SEMA3C: variants seen among roughly 807,000 people sequenced by gnomAD.
The protein encoded by SEMA3C is semaphorin-3C.
A neutral mutation model predicts 89.4 loss-of-function variants in SEMA3C; 47 were observed. The ratio of observed to expected loss-of-function variants is 0.53; its 90% CI spans 0.42 to 0.67. SEMA3C has a LOEUF of 0.67. Among genes scored for constraint, SEMA3C ranks in the 30% least tolerant of loss-of-function variants. SEMA3C has a pLI of 0.00. For synonymous variants in SEMA3C, 310 were observed against 320.2 expected (o/e 0.97, Z 0.34); for missense variants, 839 against 929.1 (o/e 0.90, Z 1.26).
chr7:80,870,652 G>A (rs536677938), intron 2 of SEMA3C, among the ~76,000 whole-genome samples: 25 of 152,172 alleles, frequency 1.6e-4, no homozygotes, highest in Non-Finnish European at 2.4e-4. Context: ...TTAAACTGAC[G>A]CATAGAGACA....
chr7:80,893,117 T>G (rs938801175), intron 2 of SEMA3C, among the ~76,000 whole-genome samples: 1 of 152,152 alleles, frequency 6.6e-6, no homozygotes, highest in African/African-American at 2.4e-5. Flanking sequence ...TTTAGTTATA[T>G]TTATCCCTTT....
intron 2 of SEMA3C, among the ~76,000 whole-genome samples, chr7:80,854,445 G>C (rs1790587578): frequency 6.6e-6 from 1 of 152,152 alleles, no homozygotes; most frequent in Non-Finnish European, 1.5e-5. Flanking sequence ...CCTCCCATTA[G>C]AAAGACGACA....
chr7:80,857,888 T>A (rs1790677209), intron 2 of SEMA3C, among the ~76,000 whole-genome samples: 1 of 152,200 alleles, frequency 6.6e-6, no homozygotes, highest in African/African-American at 2.4e-5. Flanking sequence ...TGCTTATTAA[T>A]GTTTTGTTAT....
chr7:80,815,575 T>TAAAAAAAAAAAAAAAAAAAAAACA (rs1789585531), intron 5 of SEMA3C, among the ~76,000 whole-genome samples: 1 of 82,024 alleles, frequency 1.2e-5, no homozygotes, highest in Non-Finnish European at 2.5e-5. Flanking sequence ...AAAAAAAAAG[T>TAAAAAAAAAAAAAAAAAAAAAACA]AAATGTAGAG....
chr7:80,861,983 A>G (rs940217529), intron 2 of SEMA3C, among the ~76,000 whole-genome samples: 2 of 152,198 alleles, frequency 1.3e-5, no homozygotes, highest in Admixed American at 6.5e-5. Flanking sequence ...CACAGCCAAC[A>G]TAACACTGAA....
chr7:80,901,169 T>C (rs1248051600), intron 2 of SEMA3C, among the ~76,000 whole-genome samples: 2 of 152,208 alleles, frequency 1.3e-5, no homozygotes, highest in East Asian at 3.9e-4. Flanking sequence ...TCAAATAATT[T>C]TTCCAGTTGT....
At chr7:80,912,916 A>G (rs1792185814) in intron 2 of SEMA3C, among the ~76,000 whole-genome samples, 1 of 152,206 alleles carries the variant, frequency 6.6e-6, no homozygotes, top group South Asian at 2.1e-4. Flanking sequence ...TTGTCCAATA[A>G]CAATTCATCA....
upstream of SEMA3C, chr7:80,919,115 CGCGGCT>C: frequency 1.0e-6 from 1 of 984,892 alleles, no homozygotes; most frequent in Non-Finnish European, 1.2e-6. Context: ...CGCCGCGGCG[CGCGGCT>C]CCGGCTGCCC....
chr7:80,869,553 G>A (rs1791008734), intron 2 of SEMA3C, among the ~76,000 whole-genome samples: 2 of 152,248 alleles, frequency 1.3e-5, no homozygotes, highest in African/African-American at 4.8e-5. Flanking sequence ...GGGTTAATGG[G>A]AAAGGAATTC....
chr7:80,864,988 T>C (rs1012972345), intron 2 of SEMA3C, among the ~76,000 whole-genome samples: 1 of 152,162 alleles, frequency 6.6e-6, no homozygotes, highest in Non-Finnish European at 1.5e-5. Flanking sequence ...CATTTCTTAT[T>C]ACCCTACATC....
intron 12 of SEMA3C, among the ~76,000 whole-genome samples, chr7:80,770,134 T>G (rs1788397387): frequency 6.6e-6 from 1 of 152,168 alleles, no homozygotes; most frequent in Admixed American, 6.5e-5. Flanking sequence ...GCAGTATGGA[T>G]GCAAACATAC....
rs869227686 is a variant in SEMA3C, at chr7:80,750,473, T to TATATACACACACACAC, written c.1711+795_1711+796insGTGTGTGTGTGTATAT. Among the ~76,000 whole-genome samples the TATATACACACACACAC allele has an allele frequency of 1.8e-3, 99 of 55,386 alleles. 1 individual carries two copies. The highest frequency in any genetic ancestry group is 3.1e-3 in the Non-Finnish European group (87 of 28,358). The allele number at this position is 55,386 out of a possible 152,430, so 36.3% of individuals were successfully genotyped here. A position where few individuals can be genotyped will look rare whatever the true frequency, so the allele number is the denominator to read the frequency against. ...ATATATATATATATATATATATATATACACACACACACACACACACACACA... is the reference window on the plus strand; with the variant it reads ...ATATATATATATATATATATATATATATATACACACACACACACACACACACACACACACACACACA... On this transcript the variant is annotated intron_variant, in intron 16 of 17. Transcript: ENST00000265361.
chr7:80,848,358 AC>A, intron 2 of SEMA3C, among the ~76,000 whole-genome samples: 1 of 152,258 alleles, frequency 6.6e-6, no homozygotes, highest in Non-Finnish European at 1.5e-5. Flanking sequence ...TCCTCTACCT[AC>A]AAAAATAGTG....
At chr7:80,853,864 A>G (rs1193880175) in intron 2 of SEMA3C, among the ~76,000 whole-genome samples, 3 of 151,788 alleles carry the variant, frequency 2.0e-5, no homozygotes, top group Non-Finnish European at 4.4e-5. Flanking sequence ...GCATACCTGT[A>G]TCAAAATATC....
intron 5 of SEMA3C, among the ~76,000 whole-genome samples, chr7:80,818,030 C>CTATA (rs1229444510): frequency 6.6e-6 from 1 of 151,068 alleles, no homozygotes; most frequent in Non-Finnish European, 1.5e-5. Flanking sequence ...TACACTAAAA[C>CTATA]TATATAGTTG....
chr7:80,867,791 T>TACAG (rs1418098637), intron 2 of SEMA3C, among the ~76,000 whole-genome samples: 1 of 152,102 alleles, frequency 6.6e-6, no homozygotes, highest in Non-Finnish European at 1.5e-5. Flanking sequence ...TCAAAATCTT[T>TACAG]ACAGACAAAA....
At chr7:80,808,601 GA>G (rs1789394596) in intron 6 of SEMA3C, among the ~76,000 whole-genome samples, 1 of 152,012 alleles carries the variant, frequency 6.6e-6, no homozygotes, top group South Asian at 2.1e-4. Context: ...AAAGAAAGAT[GA>G]GTTATCTATT....
Position 80,756,324 on chromosome 7 carries a change from AT to A in SEMA3C, c.1643+2006del, listed in dbSNP as rs60751168. Among the ~76,000 whole-genome samples, 585 of 148,988 alleles carry A rather than the reference AT, an allele frequency of 3.9e-3. 2 individuals carry two copies. The highest frequency in any genetic ancestry group is 6.8e-3 in the Non-Finnish European group (456 of 67,084). ...TCTGTGAGCTGTCAAGCATCAGACC[AT>A]TTTTTTTTTGCCACCTCTTCCTTTA... On this transcript the variant is annotated intron_variant, in intron 15 of 17. Coordinates refer to ENST00000265361, the MANE Select transcript of SEMA3C (RefSeq NM_006379.5).
chr7:80,744,572 G>C lies in SEMA3C; in HGVS notation c.*322C>G. 5.8e-6 allele frequency: 2 copies of C among 345,876 alleles called. No homozygotes were observed. The highest frequency in any genetic ancestry group is 1.1e-5 in the Non-Finnish European group (2 of 187,028). 21.4% of individuals were successfully genotyped at this position (345,876 alleles called of 1,614,324 possible). ...AGGAAAGGAATACCACAGGGATATG[G>C]CCCTCATTCAATTGAGGGATGCAAC... On this transcript the variant is annotated 3_prime_UTR_variant, in exon 18 of 18. Coordinates refer to ENST00000265361, the MANE Select transcript of SEMA3C (RefSeq NM_006379.5).
Sources: gnomAD v4.1 joint callset for allele counts (sites outside exome capture counted in the v4.1 genomes callset) on GRCh38, gnomAD v4.1.1 for gene constraint, MANE v1.5 for transcripts, NCBI Gene and HGNC (gene_info 2026-07-23, HGNC 2026-07-21) for gene names.